The following PEX26 variants were observed in gnomAD, a reference collection of about 807,000 sequenced individuals.
PEX26 encodes peroxisome assembly protein 26.
In PEX26, 18 loss-of-function variants were observed where a neutral mutation model predicts 31.4. The observed-to-expected ratio is 0.57, with a 90% CI of 0.40 to 0.85. The LOEUF is 0.85. PEX26 is among the 40% of genes least tolerant of loss of function. The probability of loss-of-function intolerance (pLI) is 0.00; values close to 1 mark genes in which losing one functional copy is unlikely to be tolerated. For missense variants in PEX26, 377 were observed against 383.9 expected (o/e 0.98, Z 0.15); for synonymous variants, 176 against 166.9 (o/e 1.05, Z -0.42).
chr22:18,078,478 C>G lies in PEX26; in HGVS notation c.102C>G (p.Ala34=), dbSNP rs1212446052. The G allele has an allele frequency of 1.9e-6, 3 of 1,574,576 alleles. No individual in the cohort carries two copies. Among genetic ancestry groups the G allele is most frequent in the Non-Finnish European group, 2.6e-6 (3 of 1,163,030 alleles). ...PVRAVPARAP[A]VDLLEEAADL... Reference sequence around the variant, plus strand: ...GCGCGGTCCCGGCCCGGGCGCCGGCCGTGGACCTTCTGGAGGAGGCGGCCG... The same window carrying G: ...GCGCGGTCCCGGCCCGGGCGCCGGCGGTGGACCTTCTGGAGGAGGCGGCCG... Residue 34 remains alanine, a synonymous_variant, in exon 1 of 5, where the codon GCC becomes GCG. Coordinates refer to ENST00000399744, the MANE Select transcript of PEX26 (RefSeq NM_001127649.3).
chr22:18,083,192 C>G (rs1226768869), intron 2 of PEX26, among the ~76,000 whole-genome samples: 1 of 152,144 alleles, frequency 6.6e-6, no homozygotes, highest in African/African-American at 2.4e-5. Flanking sequence ...TAAAAACGGT[C>G]AAAGTAGGCA....
chr22:18,078,702 G>A, intron 1 of PEX26, 96 bp downstream of exon 1: 1 of 1,101,542 alleles, frequency 9.1e-7, no homozygotes, highest in Non-Finnish European at 1.3e-6. Flanking sequence ...TGCCCACAAG[G>A]AGCTTTACAC....
intron 3 of PEX26, among the ~76,000 whole-genome samples, chr22:18,084,674 G>A (rs1926764495): frequency 6.6e-6 from 1 of 151,868 alleles, no homozygotes; most frequent in Admixed American, 6.6e-5. Flanking sequence ...AGTATGTGCA[G>A]TTAAGGAATG....
chr22:18,096,254 G>C lies in PEX26; in HGVS notation c.*8179G>C, dbSNP rs1313866502. 9.2e-5 allele frequency: 14 copies of C among 152,250 alleles called. No individual in the cohort carries two copies. The highest frequency in any genetic ancestry group is 3.4e-4 in the African/African-American group (14 of 41,454). 9.4% of individuals were successfully genotyped at this position (152,250 alleles called of 1,614,324 possible). A position where few individuals can be genotyped will look rare whatever the true frequency, so the allele number is the denominator to read the frequency against. ...ACACTGAAAAGGTGCATAGCATGTAGTGAGCAGGTGCTAGTTATTATTACT... is the reference window on the plus strand; with the variant it reads ...ACACTGAAAAGGTGCATAGCATGTACTGAGCAGGTGCTAGTTATTATTACT... On this transcript the variant is annotated 3_prime_UTR_variant, in exon 5 of 5. Coordinates refer to ENST00000399744, the MANE Select transcript of PEX26 (RefSeq NM_001127649.3).
In PEX26 at chr22:18,097,513, T is replaced by TCGGTCTCC. The variant is rs1417385999; in HGVS notation, c.*9440_*9447dup. ...CTCCTGACCTCGTGATCCACTTGCCTCGGTCTCCCAAAGTGCTGGGATTAC... is the reference window on the plus strand; with the variant it reads ...CTCCTGACCTCGTGATCCACTTGCCTCGGTCTCCCGGTCTCCCAAAGTGCTGGGATTAC... On this transcript the variant is annotated 3_prime_UTR_variant, in exon 5 of 5. Transcript: ENST00000399744. 1 of 152,200 alleles carries TCGGTCTCC rather than the reference T, an allele frequency of 6.6e-6. No individual in the cohort carries two copies. Among genetic ancestry groups the TCGGTCTCC allele is most frequent in the African/African-American group, 2.4e-5 (1 of 41,438 alleles). 9.4% of individuals were successfully genotyped at this position (152,200 alleles called of 1,614,324 possible).
chr22:18,085,066 TG>T (rs1926784399), intron 3 of PEX26, 45 bp from the exon 4 acceptor site: 2 of 1,608,484 alleles, frequency 1.2e-6, no homozygotes, highest in Admixed American at 1.7e-5. Context: ...TCAGGGAAGC[TG>T]ATTCCCATGA....
rs1467770940 is a variant in PEX26, at chr22:18,094,732, A to G, written c.*6657A>G. 1 of 148,904 alleles carries G rather than the reference A, an allele frequency of 6.7e-6. No individual in the cohort carries two copies. Among genetic ancestry groups the G allele is most frequent in the Non-Finnish European group, 1.5e-5 (1 of 67,350 alleles). The allele number at this position is 148,904 out of a possible 1,614,324, so 9.2% of individuals were successfully genotyped here. Reference sequence around the variant, plus strand: ...CACTGACTGCCCCTTTTCTGCCTCCATAGCTAGTTTCTTATTTTCCTTTGG... The same window carrying G: ...CACTGACTGCCCCTTTTCTGCCTCCGTAGCTAGTTTCTTATTTTCCTTTGG... On this transcript the variant is annotated 3_prime_UTR_variant, in exon 5 of 5. Transcript: ENST00000399744.
At chr22:18,085,032 T>C in intron 3 of PEX26, 80 bp from the exon 4 acceptor site, 1 of 1,533,346 alleles carries the variant, frequency 6.5e-7, no homozygotes, top group Non-Finnish European at 9.0e-7. Context: ...GCTCAGGTCT[T>C]AGAAGCAAGC....
At chr22:18,082,965 G>C (rs564173603) in intron 2 of PEX26, among the ~76,000 whole-genome samples, 7 of 152,022 alleles carry the variant, frequency 4.6e-5, no homozygotes, top group African/African-American at 1.7e-4. Flanking sequence ...ATTGTAAATC[G>C]AATTGTTTTC....
rs972848102 is a variant in PEX26 at position 18,103,117 on chromosome 22, T to C, written c.*15042T>C. ...CAAAAAAAAAAAAAAAAAAAAGGCA[T>C]GTAAAAGTTAATCTCATGGAGGTAG... On this transcript the variant is annotated 3_prime_UTR_variant, in exon 5 of 5. Coordinates refer to ENST00000399744, the MANE Select transcript of PEX26 (RefSeq NM_001127649.3). 4.4e-5 allele frequency: 5 copies of C among 114,326 alleles called. No individual in the cohort carries two copies. Among genetic ancestry groups the C allele is most frequent in the East Asian group, 2.9e-4 (1 of 3,394 alleles). The allele number at this position is 114,326 out of a possible 1,614,324, so 7.1% of individuals were successfully genotyped here.
rs532498898 is a variant in PEX26 at position 18,103,350 on chromosome 22, C to G, written c.*15275C>G. On this transcript the variant is annotated 3_prime_UTR_variant, in exon 5 of 5. Coordinates refer to ENST00000399744, the MANE Select transcript of PEX26 (RefSeq NM_001127649.3). ...TCAACACATAGAAATGAGAAATACT[C>G]AAGGTCATGGGTATCCTGGATACCC... is the stretch of plus-strand genomic sequence containing the variant. The G allele has an allele frequency of 1.3e-5, 2 of 152,152 alleles. No individual in the cohort carries two copies. The highest frequency in any genetic ancestry group is 4.1e-4 in the South Asian group (2 of 4,822). 9.4% of individuals were successfully genotyped at this position (152,152 alleles called of 1,614,324 possible).
Position 18,103,238 on chromosome 22 carries a change from C to A in PEX26, c.*15163C>A, listed in dbSNP as rs1274435319. ...CAAACATAGATAGAAGGAGTGAGTT[C>A]TAATGCTTGATAGCAGAATAGGGTG... On this transcript the variant is annotated 3_prime_UTR_variant, in exon 5 of 5. Transcript: ENST00000399744. 1 of 151,592 alleles carries A rather than the reference C, an allele frequency of 6.6e-6. No homozygotes were observed. The highest frequency in any genetic ancestry group is 1.5e-5 in the Non-Finnish European group (1 of 68,010). The allele number at this position is 151,592 out of a possible 1,614,324, so 9.4% of individuals were successfully genotyped here. A position where few individuals can be genotyped will look rare whatever the true frequency, so the allele number is the denominator to read the frequency against.
intron 2 of PEX26, 49 bp downstream of exon 2, chr22:18,080,063 T>A (rs1355746278): frequency 6.3e-7 from 1 of 1,586,712 alleles, no homozygotes; most frequent in Non-Finnish European, 8.6e-7. Flanking sequence ...ACGAGAGGAT[T>A]TTCATCTCCT....
In PEX26 at chr22:18,099,429, C is replaced by T. The variant is rs765848295; in HGVS notation, c.*11354C>T. 7.9e-5 allele frequency: 12 copies of T among 152,172 alleles called. No individual in the cohort carries two copies. The highest frequency in any genetic ancestry group is 1.0e-4 in the Non-Finnish European group (7 of 68,014). The allele number at this position is 152,172 out of a possible 1,614,324, so 9.4% of individuals were successfully genotyped here. ...TGGTATACGTGAAATGCTTTCTATT[C>T]ATTCAAGCAACCTTACTAAAAACAC... On this transcript the variant is annotated 3_prime_UTR_variant, in exon 5 of 5. Transcript: ENST00000399744.
At chr22:18,078,828 G>A (rs1456849005) in intron 1 of PEX26, 2 of 698,402 alleles carry the variant, frequency 2.9e-6, no homozygotes, top group Non-Finnish European at 5.2e-6. Context: ...CCAATTATTT[G>A]CTCCTTGTTC....
intron 3 of PEX26, among the ~76,000 whole-genome samples, chr22:18,084,442 A>G (rs1047918989): frequency 6.6e-6 from 1 of 151,822 alleles, no homozygotes; most frequent in Non-Finnish European, 1.5e-5. Context: ...ACGGGGTTTC[A>G]CCGTGTTAGC....
chr22:18,091,524 G>A lies in PEX26; in HGVS notation c.*3449G>A, dbSNP rs1237841389. ...ATGGTGGTGGGTACCTGTAATCCCA[G>A]CTACTCAGGAGGCTGAGGCAGGAGA... On this transcript the variant is annotated 3_prime_UTR_variant, in exon 5 of 5. Transcript: ENST00000399744. 6.6e-6 allele frequency: 1 copy of A among 152,210 alleles called. No homozygotes were observed. The highest frequency in any genetic ancestry group is 2.4e-5 in the African/African-American group (1 of 41,444). 9.4% of individuals were successfully genotyped at this position (152,210 alleles called of 1,614,324 possible).
intron 1 of PEX26, chr22:18,079,393 C>T (rs2123646459): frequency 4.6e-6 from 1 of 217,212 alleles, no homozygotes; most frequent in East Asian, 1.8e-4. Flanking sequence ...TGGGTGGGAG[C>T]TCATTTCAGT....
chr22:18,092,131 G>A lies in PEX26; in HGVS notation c.*4056G>A, dbSNP rs1927123939. On this transcript the variant is annotated 3_prime_UTR_variant, in exon 5 of 5. Transcript: ENST00000399744. ...CTCTGCTTTCCTCCCTCCCAGCACGGAAAAGCCGTGGGGCCGATGGACTTT... is the reference window on the plus strand; with the variant it reads ...CTCTGCTTTCCTCCCTCCCAGCACGAAAAAGCCGTGGGGCCGATGGACTTT... 6.6e-6 allele frequency: 1 copy of A among 152,250 alleles called. No homozygotes were observed. The highest frequency in any genetic ancestry group is 2.4e-5 in the African/African-American group (1 of 41,444). 9.4% of individuals were successfully genotyped at this position (152,250 alleles called of 1,614,324 possible).
Sources: gnomAD v4.1 joint callset for allele counts (sites outside exome capture counted in the v4.1 genomes callset) on GRCh38, gnomAD v4.1.1 for gene constraint, MANE v1.5 for transcripts, NCBI Gene and HGNC (gene_info 2026-07-23, HGNC 2026-07-21) for gene names.